FBXO42: variants seen among roughly 807,000 people sequenced by gnomAD.
FBXO42 encodes F-box protein 42.
A neutral mutation model predicts 71.7 loss-of-function variants in FBXO42; 12 were observed. The ratio of observed to expected loss-of-function variants is 0.17; its 90% confidence interval spans 0.11 to 0.27. The LOEUF (loss-of-function observed/expected upper bound fraction) is 0.27, where lower values mean the gene tolerates loss of function less well. Among genes scored for constraint, FBXO42 ranks in the 10% least tolerant of loss-of-function variants. The pLI is 1.00. For missense variants in FBXO42, 707 were observed against 911.9 expected, an observed-to-expected ratio of 0.78 and a Z score of 2.89; for synonymous variants, 325 against 327.5, an observed-to-expected ratio of 0.99 and a Z score of 0.08.
chr1:16,259,833 A>G (rs1479877297), intron 4 of FBXO42, among the ~76,000 whole-genome samples: 1 of 152,086 alleles, frequency 6.6e-6, no homozygotes, highest in Admixed American at 6.6e-5. Flanking sequence ...GGTGGGACAT[A>G]TTCATAGAAT....
intron 4 of FBXO42, among the ~76,000 whole-genome samples, chr1:16,277,139 C>T (rs186089543): frequency 1.1e-3 from 167 of 152,262 alleles, no homozygotes; most frequent in African/African-American, 3.9e-3. Context: ...AGATCAATCA[C>T]TCGTTTTTAA....
intron 3 of FBXO42, among the ~76,000 whole-genome samples, chr1:16,300,561 C>CT: frequency 6.6e-6 from 1 of 152,178 alleles, no homozygotes; most frequent in East Asian, 1.9e-4. Flanking sequence ...AGGGAAAGAT[C>CT]CTGAGGCATT....
chr1:16,339,403 C>G (rs1055747119), intron 1 of FBXO42, among the ~76,000 whole-genome samples: 1 of 152,120 alleles, frequency 6.6e-6, no homozygotes, highest in Non-Finnish European at 1.5e-5. Flanking sequence ...ACCTCCGCCA[C>G]CTGGGTTCAA....
chr1:16,350,814 T>C (rs2082697231), intron 1 of FBXO42, among the ~76,000 whole-genome samples: 1 of 133,164 alleles, frequency 7.5e-6, no homozygotes. Flanking sequence ...AATAATAACC[T>C]AAACAGTTGT....
chr1:16,306,765 T>C (rs1484225017), intron 2 of FBXO42, among the ~76,000 whole-genome samples: 1 of 152,182 alleles, frequency 6.6e-6, no homozygotes, highest in African/African-American at 2.4e-5. Flanking sequence ...CATGCATGAC[T>C]TTAGCTCACT....
rs527926538 is a variant in FBXO42, at chr1:16,316,063, G to A, written c.-17-628C>T. On this transcript the variant is annotated intron_variant, in intron 1 of 9. Transcript: ENST00000375592. ...CACATGCCTGTAATCCCAGCTACTC[G>A]GGAGGCTGAGGCAGGAGAATCACTT... Among the ~76,000 whole-genome samples, 45 of 151,294 alleles carry A rather than the reference G, an allele frequency of 3.0e-4. 2 individuals are homozygous for A. The South Asian group carries it at 9.2e-3, about 31-fold the overall frequency.
Position 16,252,964 on chromosome 1 carries a change from T to C in FBXO42, c.921+132A>G. On this transcript the variant is annotated intron_variant, in intron 8 of 9. Transcript: ENST00000375592. This position sits in a 1 kb window ranked among gnomAD's most constrained non-coding sequence, Gnocchi z 4.4. ...CAAAGGCCAGAAAATACAAAGGCTA[T>C]ACCCAAAAAGCATTCCTTAAATTAA... 1 of 709,804 alleles carries C rather than the reference T, an allele frequency of 1.4e-6. No individual in the cohort carries two copies. The highest frequency in any genetic ancestry group is 2.3e-6 in the Non-Finnish European group (1 of 443,516). The allele number at this position is 709,804 out of a possible 1,614,324, so 44.0% of individuals were successfully genotyped here.
chr1:16,290,766 C>A (rs2082068991), intron 4 of FBXO42, among the ~76,000 whole-genome samples: 1 of 151,812 alleles, frequency 6.6e-6, no homozygotes, highest in Non-Finnish European at 1.5e-5. Context: ...GTCTGCAAAC[C>A]AGGAGCTGGG....
At chr1:16,306,816 T>C (rs1015998656) in intron 2 of FBXO42, among the ~76,000 whole-genome samples, 4 of 152,034 alleles carry the variant, frequency 2.6e-5, no homozygotes, top group Non-Finnish European at 5.9e-5. Flanking sequence ...CTCCTACCTC[T>C]GCCTCCTGGG....
chr1:16,311,792 A>C, intron 2 of FBXO42, among the ~76,000 whole-genome samples: 1 of 152,050 alleles, frequency 6.6e-6, no homozygotes, highest in East Asian at 1.9e-4. Context: ...AGCCACTTAA[A>C]ACAGTTTGGC....
chr1:16,342,581 CA>C (rs58125011), intron 1 of FBXO42, among the ~76,000 whole-genome samples: 189 of 125,292 alleles, frequency 1.5e-3, no homozygotes, highest in Admixed American at 2.0e-3. Flanking sequence ...GATCCTGTCT[CA>C]AAAAAAAAAA....
At chr1:16,351,960 T>C (rs2082706063) in intron 1 of FBXO42, among the ~76,000 whole-genome samples, 1 of 152,142 alleles carries the variant, frequency 6.6e-6, no homozygotes, top group Non-Finnish European at 1.5e-5. Flanking sequence ...AAAGCCATCC[T>C]TGCCCGGGCC....
At chr1:16,328,253 T>C (rs2082467385) in intron 1 of FBXO42, among the ~76,000 whole-genome samples, 1 of 152,158 alleles carries the variant, frequency 6.6e-6, no homozygotes, top group Non-Finnish European at 1.5e-5. Context: ...TACAAATATA[T>C]GAGACCACCT....
intron 1 of FBXO42, among the ~76,000 whole-genome samples, chr1:16,344,323 ATTTT>A (rs143852944): frequency 2.2e-5 from 3 of 137,990 alleles, no homozygotes; most frequent in Non-Finnish European, 4.7e-5. Context: ...AATATATATA[ATTTT>A]TTTTTTTTTT....
rs2082550727 is a variant in FBXO42, at chr1:16,336,129, G to A, written c.-18+16126C>T. The stretch of plus-strand genomic sequence containing the variant: ...ATTTTTCTGTTTTTAGTAGAGATGG[G>A]GTTTCACCATGTTGCCCAGGCTGAT... On this transcript the variant is annotated intron_variant, in intron 1 of 9. Coordinates refer to ENST00000375592, the MANE Select transcript of FBXO42 (RefSeq NM_018994.3). 2.0e-5 allele frequency among the ~76,000 whole-genome samples: 3 copies of A among 151,508 alleles called. No individual in the cohort carries two copies. The South Asian group carries it at 6.2e-4, about 31-fold the overall frequency.
At chr1:16,288,282 T>C (rs2082042461) in intron 4 of FBXO42, among the ~76,000 whole-genome samples, 1 of 151,702 alleles carries the variant, frequency 6.6e-6, no homozygotes, top group South Asian at 2.1e-4. Context: ...ATACAAAAAT[T>C]AGCTGGGCAT....
At chr1:16,294,746 C>T (rs751709879) in intron 4 of FBXO42, 37 bp downstream of exon 4, 2 of 1,606,234 alleles carry the variant, frequency 1.2e-6, no homozygotes. Context: ...AGGGAGTCAC[C>T]TGGTAAGGAG....
At chr1:16,282,630 A>G (rs901828249) in intron 4 of FBXO42, among the ~76,000 whole-genome samples, 1 of 151,994 alleles carries the variant, frequency 6.6e-6, no homozygotes, top group African/African-American at 2.4e-5. Context: ...GGACAGCTTG[A>G]GGCCAGGAGT....
At position 16,255,800 on chromosome 1, in the gene FBXO42, G is replaced by T. The variant is rs1161780532; in HGVS notation, c.678C>A (p.Thr226=). Residue 226 remains threonine (T), a synonymous_variant, in exon 6 of 10, where the codon ACC becomes ACA. Coordinates refer to ENST00000375592, the MANE Select transcript of FBXO42 (RefSeq NM_018994.3). ...SKNWWNCIVT[T]HGPPPMAGHS... ...GGCCAGCCATGGGAGGTGGCCCATG[G>T]GTTGTCACAATGCAGTTCCACCTAA... The T allele has an allele frequency of 1.2e-6, 2 of 1,613,778 alleles. No homozygotes were observed. The highest frequency in any genetic ancestry group is 3.3e-5 in the Admixed American group (2 of 59,962).
Sources: gnomAD v4.1 joint callset for allele counts (sites outside exome capture counted in the v4.1 genomes callset) on GRCh38, gnomAD v4.1.1 for gene constraint, Gnocchi (gnomAD v3.1) non-coding constraint, MANE v1.5 for transcripts, NCBI Gene and HGNC (gene_info 2026-07-23, HGNC 2026-07-21) for gene names.